The following SLCO3A1 variants were observed in gnomAD, a reference collection of about 807,000 sequenced individuals.
SLCO3A1 encodes PGE1 transporter.
In SLCO3A1, 27 loss-of-function variants were observed where a neutral mutation model predicts 63.1. The ratio of observed to expected loss-of-function variants is 0.43; its 90% CI spans 0.32 to 0.59. The LOEUF is 0.59. Among genes scored for constraint, SLCO3A1 ranks in the 20% least tolerant of loss-of-function variants. The pLI is 0.09. For synonymous variants in SLCO3A1, 473 were observed against 409.9 expected (o/e 1.15, Z -1.86); for missense variants, 773 against 945.8 (o/e 0.82, Z 2.40).
chr15:92,130,180 A>G (rs896538560), intron 7 of SLCO3A1, among the ~76,000 whole-genome samples: 1 of 152,234 alleles, frequency 6.6e-6, no homozygotes, highest in Non-Finnish European at 1.5e-5. Context: ...TAAAAATTGC[A>G]TTTCCCCTGA....
At chr15:92,011,458 T>C (rs1267071106) in intron 2 of SLCO3A1, among the ~76,000 whole-genome samples, 1 of 152,122 alleles carries the variant, frequency 6.6e-6, no homozygotes, top group African/African-American at 2.4e-5. Flanking sequence ...CATAAATATG[T>C]ACAATTATTA....
At chr15:92,171,548 T>C in intron 10 of SLCO3A1, 1 of 504,904 alleles carries the variant, frequency 2.0e-6, no homozygotes, top group Admixed American at 3.3e-5. Context: ...GTCATGTAGA[T>C]AAATATCCTT....
rs901427957 is a variant in SLCO3A1, at chr15:92,054,263, G to A, written c.647-40618G>A. ...ACTCATGCTGTATTAAAATGGGGATGCTTTTGTGCCTGTCTTGTGGAGCTG... is the reference window on the plus strand; with the variant it reads ...ACTCATGCTGTATTAAAATGGGGATACTTTTGTGCCTGTCTTGTGGAGCTG... On this transcript the variant is annotated intron_variant, in intron 2 of 9. Coordinates refer to ENST00000318445, the MANE Select transcript of SLCO3A1 (RefSeq NM_013272.4). Among the ~76,000 whole-genome samples, 18 of 152,136 alleles carry A rather than the reference G, an allele frequency of 1.2e-4. 1 individual carries two copies. Among genetic ancestry groups the A allele is most frequent in the Admixed American group, 1.1e-3 (17 of 15,276 alleles).
At chr15:91,966,527 A>G (rs1188484807) in intron 2 of SLCO3A1, among the ~76,000 whole-genome samples, 1 of 152,252 alleles carries the variant, frequency 6.6e-6, no homozygotes, top group African/African-American at 2.4e-5. Flanking sequence ...AACTGGGCAC[A>G]AAACTGCGCT....
intron 2 of SLCO3A1, among the ~76,000 whole-genome samples, chr15:92,071,095 T>G (rs1427274856): frequency 6.6e-6 from 1 of 152,174 alleles, no homozygotes; most frequent in Non-Finnish European, 1.5e-5. Context: ...TGGGAATTTG[T>G]TAAGTACAAC....
intron 2 of SLCO3A1, among the ~76,000 whole-genome samples, chr15:92,016,624 A>G (rs1451431761): frequency 2.0e-5 from 3 of 152,224 alleles, no homozygotes; most frequent in Non-Finnish European, 4.4e-5. Flanking sequence ...CATGGCTTAA[A>G]GAATGAATTA....
intron 1 of SLCO3A1, among the ~76,000 whole-genome samples, chr15:91,877,757 C>T (rs1897436311): frequency 6.6e-6 from 1 of 151,416 alleles, no homozygotes; most frequent in East Asian, 1.9e-4. Flanking sequence ...CAGGTTTTTG[C>T]AAAAAGGGGT....
chr15:92,112,477 C>A (rs939413295), intron 4 of SLCO3A1, among the ~76,000 whole-genome samples: 2 of 152,188 alleles, frequency 1.3e-5, no homozygotes, highest in African/African-American at 4.8e-5. Flanking sequence ...TGTGTGTGGG[C>A]CACAGCCCAG....
intron 2 of SLCO3A1, among the ~76,000 whole-genome samples, chr15:91,957,123 ATAATATATATACTATATAT>A (rs1490372461): frequency 2.8e-5 from 1 of 36,294 alleles, no homozygotes; most frequent in African/African-American, 2.2e-4. Context: ...TATAATATAT[ATAATATATATACTATATAT>A]TATAATATAT....
intron 4 of SLCO3A1, among the ~76,000 whole-genome samples, chr15:92,114,205 T>C (rs2047764328): frequency 6.6e-6 from 1 of 152,202 alleles, no homozygotes; most frequent in Admixed American, 6.5e-5. Context: ...ACCCAGACAG[T>C]GAACCTGTGG....
At chr15:92,110,997 G>T (rs371664655) in intron 4 of SLCO3A1, among the ~76,000 whole-genome samples, 4 of 152,184 alleles carry the variant, frequency 2.6e-5, no homozygotes, top group African/African-American at 7.2e-5. Context: ...TGCCAGCCCT[G>T]GTGCCAAAAC....
chr15:91,994,894 A>T (rs936913960), intron 2 of SLCO3A1, among the ~76,000 whole-genome samples: 9 of 152,132 alleles, frequency 5.9e-5, no homozygotes, highest in Non-Finnish European at 1.0e-4. Flanking sequence ...CTGCTGTCGG[A>T]GCCTAGGAGA....
Position 91,869,994 on chromosome 15 carries a change from G to A in SLCO3A1, c.180+15906G>A, listed in dbSNP as rs142216128. Among the ~76,000 whole-genome samples, 15 of 152,250 alleles carry A rather than the reference G, an allele frequency of 9.9e-5. No homozygotes were observed. In the East Asian group the frequency reaches 2.7e-3, roughly 28 times the overall value. Reference sequence around the variant, plus strand: ...GTTCACAGAATTGGGGGAGAAGGGGGTCAGGGCAAGCTTGCCAGCTTCCTG... The same window carrying A: ...GTTCACAGAATTGGGGGAGAAGGGGATCAGGGCAAGCTTGCCAGCTTCCTG... On this transcript the variant is annotated intron_variant, in intron 1 of 9. Transcript: ENST00000318445.
At chr15:92,124,867 G>A (rs1473604195) in intron 5 of SLCO3A1, among the ~76,000 whole-genome samples, 2 of 152,152 alleles carry the variant, frequency 1.3e-5, no homozygotes, top group Non-Finnish European at 2.9e-5. Context: ...GCCTGGGGAA[G>A]CAGAACTGTT....
chr15:92,022,497 A>G (rs1398697736), intron 2 of SLCO3A1, among the ~76,000 whole-genome samples: 2 of 152,324 alleles, frequency 1.3e-5, no homozygotes, highest in Admixed American at 6.5e-5. Context: ...CTTGCCTTGT[A>G]GGAGTGGTCA....
intron 7 of SLCO3A1, among the ~76,000 whole-genome samples, chr15:92,137,157 T>G (rs1262232857): frequency 7.1e-6 from 1 of 140,940 alleles, no homozygotes; most frequent in Non-Finnish European, 1.5e-5. Context: ...CAGAGTGTGA[T>G]GTTCCCCTTC....
At chr15:91,888,566 TC>T (rs112996897) in intron 1 of SLCO3A1, among the ~76,000 whole-genome samples, 1 of 152,272 alleles carries the variant, frequency 6.6e-6, no homozygotes, top group South Asian at 2.1e-4. Flanking sequence ...CAATTTTTTT[TC>T]CTACAAAGTG....
At chr15:92,081,019 C>A (rs2047339168) in intron 2 of SLCO3A1, among the ~76,000 whole-genome samples, 1 of 149,970 alleles carries the variant, frequency 6.7e-6, no homozygotes, top group Non-Finnish European at 1.5e-5. Context: ...CACAGGCCTA[C>A]AATGTGCAAT....
chr15:92,157,501 T>C (rs918466123), intron 9 of SLCO3A1, among the ~76,000 whole-genome samples: 6 of 151,752 alleles, frequency 4.0e-5, no homozygotes, highest in Non-Finnish European at 7.4e-5. Context: ...AATTTTTTTT[T>C]TTTTTTTTGA....
Sources: allele counts gnomAD v4.1 joint callset (sites outside exome capture counted in the v4.1 genomes callset), GRCh38; gene constraint gnomAD v4.1.1; transcripts MANE v1.5; gene names NCBI Gene and HGNC (gene_info 2026-07-23, HGNC 2026-07-21).